The following LNPK variants were observed in gnomAD, a reference collection of about 807,000 sequenced individuals.
LNPK encodes the protein endoplasmic reticulum junction formation protein lunapark.
LNPK carries 29 observed loss-of-function variants against 55.2 expected under a neutral mutation model. The observed-to-expected ratio is 0.53, with a 90% CI of 0.39 to 0.72. LNPK has a LOEUF of 0.72. LNPK is among the 30% of genes least tolerant of loss of function. The pLI is 0.00. For missense variants in LNPK, 467 were observed against 494.8 expected (o/e 0.94, Z 0.53); for synonymous variants, 162 against 168.2 (o/e 0.96, Z 0.29).
intron 4 of LNPK, among the ~76,000 whole-genome samples, chr2:175,988,476 C>T (rs1687534285): frequency 7.1e-6 from 1 of 141,252 alleles, no homozygotes; most frequent in Admixed American, 7.4e-5. Context: ...TGCACCATTA[C>T]ACTCCAGCCT....
chr2:175,987,162 C>A (rs549759050), intron 4 of LNPK, among the ~76,000 whole-genome samples: 119 of 152,196 alleles, frequency 7.8e-4, no homozygotes, highest in Middle Eastern at 6.8e-3. Flanking sequence ...ACCCAGCCAT[C>A]CCATTACTGG....
chr2:175,961,702 A>C (rs751159824), intron 8 of LNPK, among the ~76,000 whole-genome samples: 50 of 152,298 alleles, frequency 3.3e-4, no homozygotes, highest in Admixed American at 7.2e-4. Flanking sequence ...GTTCTGGCCA[A>C]GGCAATCAGG....
intron 1 of LNPK, among the ~76,000 whole-genome samples, chr2:176,000,176 T>C (rs986633003): frequency 5.9e-5 from 9 of 152,228 alleles, no homozygotes. Context: ...GGAAATGTTT[T>C]TCTTAAATTT....
intron 6 of LNPK, among the ~76,000 whole-genome samples, chr2:175,966,563 CTA>C (rs1686363776): frequency 6.6e-6 from 1 of 152,122 alleles, no homozygotes; most frequent in Non-Finnish European, 1.5e-5. Context: ...TCAAGTGTAT[CTA>C]TGTTTTTATT....
At chr2:175,950,096 G>A (rs1353178410) in intron 8 of LNPK, among the ~76,000 whole-genome samples, 1 of 151,938 alleles carries the variant, frequency 6.6e-6, no homozygotes, top group Non-Finnish European at 1.5e-5. Flanking sequence ...AAATCATAAG[G>A]AGCATGCCAT....
chr2:175,932,180 T>C (rs757715737), intron 12 of LNPK: 2 of 455,194 alleles, frequency 4.4e-6, no homozygotes, highest in South Asian at 3.1e-5. Flanking sequence ...AGGAGAGGTA[T>C]CAAAATTCAA....
At chr2:175,937,308 GT>G in intron 12 of LNPK, 35 bp downstream of exon 12, 1 of 1,575,722 alleles carries the variant, frequency 6.3e-7, no homozygotes, top group Non-Finnish European at 8.6e-7. Flanking sequence ...AATAACACAT[GT>G]TATTAAGGGG....
chr2:175,930,240 GTT>G, intron 12 of LNPK, 41 bp from the exon 13 acceptor site: 1 of 1,516,846 alleles, frequency 6.6e-7, no homozygotes, highest in Non-Finnish European at 9.0e-7. Context: ...ATACCTGAAC[GTT>G]AAAACTGCTA....
At chr2:175,986,107 G>T (rs1051103815) in intron 4 of LNPK, among the ~76,000 whole-genome samples, 2 of 152,106 alleles carry the variant, frequency 1.3e-5, no homozygotes, top group African/African-American at 2.4e-5. Context: ...AAAACTAGAA[G>T]AAATACGGGG....
intron 5 of LNPK, among the ~76,000 whole-genome samples, chr2:175,974,297 G>A (rs539489454): frequency 7.2e-5 from 11 of 152,130 alleles, no homozygotes; most frequent in African/African-American, 1.9e-4. Flanking sequence ...GGGTATGCAC[G>A]GGTAATAAAA....
Position 175,995,602 on chromosome 2 carries a change from T to A in LNPK, c.-18A>T. Reference sequence around the variant, plus strand: ...CCACCCATCTTTTATTTGTAGAAACTGGGCACAATGATAAATATCATCAAT... The same window carrying A: ...CCACCCATCTTTTATTTGTAGAAACAGGGCACAATGATAAATATCATCAAT... On this transcript the variant is annotated 5_prime_UTR_variant, in exon 2 of 13. Coordinates refer to ENST00000272748, the MANE Select transcript of LNPK (RefSeq NM_030650.3). The A allele has an allele frequency of 6.2e-7, 1 of 1,601,326 alleles. No homozygotes were observed. The highest frequency in any genetic ancestry group is 8.6e-7 in the Non-Finnish European group (1 of 1,169,048).
intron 4 of LNPK, among the ~76,000 whole-genome samples, chr2:175,991,729 TTG>T (rs1687710249): frequency 6.6e-6 from 1 of 152,198 alleles, no homozygotes; most frequent in African/African-American, 2.4e-5. Context: ...TTTTATTAAA[TTG>T]TCTCTCAAAA....
chr2:175,953,148 A>G (rs1162479336), intron 8 of LNPK, among the ~76,000 whole-genome samples: 2 of 151,928 alleles, frequency 1.3e-5, no homozygotes, highest in Non-Finnish European at 2.9e-5. Context: ...CTTACTACCA[A>G]TCTAGCTCTA....
intron 8 of LNPK, among the ~76,000 whole-genome samples, chr2:175,955,599 A>T (rs905396032): frequency 6.6e-6 from 1 of 152,214 alleles, no homozygotes; most frequent in African/African-American, 2.4e-5. Context: ...TTACAAGGCA[A>T]ATTTATTAAG....
intron 6 of LNPK, among the ~76,000 whole-genome samples, chr2:175,970,527 T>C (rs569375593): frequency 6.6e-6 from 1 of 151,036 alleles, no homozygotes; most frequent in African/African-American, 2.5e-5. Flanking sequence ...ACTCATTTAC[T>C]TACTTCTCAG....
At chr2:175,981,645 AAGTC>A (rs1687178207) in intron 4 of LNPK, among the ~76,000 whole-genome samples, 1 of 152,196 alleles carries the variant, frequency 6.6e-6, no homozygotes, top group African/African-American at 2.4e-5. Flanking sequence ...AGAATGAAGA[AAGTC>A]AGGGGAATTG....
chr2:175,978,350 A>C lies in LNPK; in HGVS notation c.316+1460T>G, dbSNP rs114017377. Among the ~76,000 whole-genome samples, 1,216 of 152,290 alleles carry C rather than the reference A, an allele frequency of 8.0e-3. 13 individuals are homozygous for C. The highest frequency in any genetic ancestry group is 0.044 in the Middle Eastern group (13 of 294). On this transcript the variant is annotated intron_variant, in intron 5 of 12. Transcript: ENST00000272748. ...CGGAGGGTATTGGGACCAATCCCTC[A>C]CAGATACTGAAGGACAATTTCACTT...
At chr2:176,001,224 C>T (rs1422207055) in intron 1 of LNPK, among the ~76,000 whole-genome samples, 2 of 152,142 alleles carry the variant, frequency 1.3e-5, no homozygotes, top group Non-Finnish European at 2.9e-5. Flanking sequence ...CCAGTTTGAA[C>T]ATATTCCTGA....
At chr2:175,941,612 G>A (rs1684844277) in intron 9 of LNPK, among the ~76,000 whole-genome samples, 1 of 151,470 alleles carries the variant, frequency 6.6e-6, no homozygotes, top group African/African-American at 2.4e-5. Context: ...CCAACATGGT[G>A]AAACCCTGTC....
Sources: gnomAD v4.1 joint callset for allele counts (sites outside exome capture counted in the v4.1 genomes callset) on GRCh38, gnomAD v4.1.1 for gene constraint, MANE v1.5 for transcripts, NCBI Gene and HGNC (gene_info 2026-07-23, HGNC 2026-07-21) for gene names.